PCDHA10: variants seen among roughly 807,000 people sequenced by gnomAD.
PCDHA10 encodes the protein protocadherin alpha-10.
A neutral mutation model predicts 61.2 loss-of-function variants in PCDHA10; 45 were observed. That is an observed-to-expected ratio of 0.74 (90% confidence interval 0.58 to 0.94). The LOEUF is 0.94. Among genes scored for constraint, PCDHA10 ranks in the 40% least tolerant of loss-of-function variants. PCDHA10 has a pLI of 0.00. For synonymous variants in PCDHA10, 602 were observed against 548.8 expected (o/e 1.10, Z -1.35); for missense variants, 1,278 against 1,236.2 (o/e 1.03, Z -0.51).
At chr5:140,882,909 C>A in intron 1 of PCDHA10, 2 of 1,614,172 alleles carry the variant, frequency 1.2e-6, no homozygotes, top group Non-Finnish European at 1.7e-6. Context: ...TTACTGACAG[C>A]CAGTGATGGA....
intron 1 of PCDHA10, among the ~76,000 whole-genome samples, chr5:140,913,572 TCAAA>T (rs150264547): frequency 6.6e-6 from 1 of 152,264 alleles, no homozygotes; most frequent in East Asian, 1.9e-4. Context: ...TTTCATCATT[TCAAA>T]TATATTTCTG....
chr5:140,949,976 TACTTA>T (rs2094437494), intron 1 of PCDHA10, among the ~76,000 whole-genome samples: 1 of 151,940 alleles, frequency 6.6e-6, no homozygotes, highest in Admixed American at 6.6e-5. Flanking sequence ...ACAGCATACA[TACTTA>T]ACTTTTCTCA....
chr5:141,010,325 G>T lies in PCDHA10; in HGVS notation c.*388G>T. On this transcript the variant is annotated 3_prime_UTR_variant, in exon 4 of 4. Coordinates refer to ENST00000307360, the MANE Select transcript of PCDHA10 (RefSeq NM_018901.4). Reference sequence around the variant, plus strand: ...GAAAAGTTTTGAGATTGAGCAGCTTGGGAGTTTGTGGCCACTGGGTATGTG... The same window carrying T: ...GAAAAGTTTTGAGATTGAGCAGCTTTGGAGTTTGTGGCCACTGGGTATGTG... 1 of 1,539,506 alleles carries T rather than the reference G, an allele frequency of 6.5e-7. No individual in the cohort carries two copies. The highest frequency in any genetic ancestry group is 8.7e-7 in the Non-Finnish European group (1 of 1,142,888).
At chr5:140,859,397 A>C in intron 1 of PCDHA10, 1 of 262,266 alleles carries the variant, frequency 3.8e-6, no homozygotes, top group Non-Finnish European at 6.9e-6. Flanking sequence ...CATCTTAAAC[A>C]GGGTTGGGTT....
At chr5:140,999,837 A>T (rs2097878885) in intron 3 of PCDHA10, among the ~76,000 whole-genome samples, 1 of 152,206 alleles carries the variant, frequency 6.6e-6, no homozygotes, top group Non-Finnish European at 1.5e-5. Context: ...AAATATGCCA[A>T]GTGTATTTAT....
At chr5:140,925,146 A>G (rs1467973124) in intron 1 of PCDHA10, among the ~76,000 whole-genome samples, 5 of 151,742 alleles carry the variant, frequency 3.3e-5, no homozygotes, top group Admixed American at 3.3e-4. Flanking sequence ...AACATACACA[A>G]AAGTTGAGAG....
At chr5:140,934,952 C>T (rs1007494400) in intron 1 of PCDHA10, among the ~76,000 whole-genome samples, 22 of 152,218 alleles carry the variant, frequency 1.4e-4, no homozygotes, top group African/African-American at 5.1e-4. Flanking sequence ...AGAGAGATCC[C>T]ATGTGCTTGT....
intron 1 of PCDHA10, chr5:140,966,342 T>G: frequency 2.5e-6 from 1 of 395,470 alleles, no homozygotes; most frequent in Non-Finnish European, 4.4e-6. Flanking sequence ...AGGTCCAGGG[T>G]GAAGGAGATG....
intron 1 of PCDHA10, among the ~76,000 whole-genome samples, chr5:140,902,203 C>CTTTTTTT (rs148688132): frequency 6.4e-5 from 8 of 124,436 alleles, no homozygotes; most frequent in African/African-American, 9.3e-5. Flanking sequence ...CTCTCTCTTT[C>CTTTTTTT]TTTTTTTTTT....
At chr5:140,896,555 T>C (rs2065621728) in intron 1 of PCDHA10, among the ~76,000 whole-genome samples, 1 of 151,910 alleles carries the variant, frequency 6.6e-6, no homozygotes, top group African/African-American at 2.4e-5. Context: ...TTTTGTATTT[T>C]AAGTAGAGAT....
chr5:140,969,863 C>A (rs1305470999), intron 1 of PCDHA10, among the ~76,000 whole-genome samples: 1 of 152,156 alleles, frequency 6.6e-6, no homozygotes, highest in Non-Finnish European at 1.5e-5. Context: ...CTGGTACTTG[C>A]ACTGAACCTA....
At chr5:140,981,186 T>G (rs1307228709) in intron 2 of PCDHA10, among the ~76,000 whole-genome samples, 1 of 152,234 alleles carries the variant, frequency 6.6e-6, no homozygotes, top group Non-Finnish European at 1.5e-5. Flanking sequence ...AGTTCAAGTT[T>G]GCCTGCTCTG....
intron 3 of PCDHA10, among the ~76,000 whole-genome samples, chr5:141,005,089 A>C (rs1554259886): frequency 6.6e-6 from 1 of 152,244 alleles, no homozygotes; most frequent in Non-Finnish European, 1.5e-5. Context: ...TTAGTACTTT[A>C]CATGCATTAC....
At chr5:140,927,118 G>C in intron 1 of PCDHA10, 1 of 1,613,946 alleles carries the variant, frequency 6.2e-7, no homozygotes, top group Non-Finnish European at 8.5e-7. Context: ...CGGCAATTTG[G>C]TGGTCAGAGA....
In PCDHA10 at chr5:140,882,282, G is replaced by T. The variant is rs145553181; in HGVS notation, c.2388+23846G>T. On this transcript the variant is annotated intron_variant, in intron 1 of 3. Coordinates refer to ENST00000307360, the MANE Select transcript of PCDHA10 (RefSeq NM_018901.4). Reference sequence around the variant, plus strand: ...TTGGAGTGTACCATGCTGTCTTCCTGGCAAGGAGGCCCAAGACCGCGGCAA... The same window carrying T: ...TTGGAGTGTACCATGCTGTCTTCCTTGCAAGGAGGCCCAAGACCGCGGCAA... 4.2e-5 allele frequency: 68 copies of T among 1,612,712 alleles called. No individual in the cohort carries two copies. The African/African-American group carries it at 8.4e-4, about 20-fold the overall frequency.
At chr5:140,897,486 A>G (rs183789033) in intron 1 of PCDHA10, among the ~76,000 whole-genome samples, 2 of 151,962 alleles carry the variant, frequency 1.3e-5, no homozygotes, top group Admixed American at 6.5e-5. Flanking sequence ...ATGATTTCCA[A>G]TTTCAACCAT....
intron 1 of PCDHA10, chr5:140,868,258 G>T (rs2153230939): frequency 6.6e-6 from 1 of 151,964 alleles, no homozygotes; most frequent in East Asian, 1.9e-4. Context: ...TTCCTTTGTG[G>T]ATTCTTTTTT....
Position 140,877,146 on chromosome 5 carries a change from G to A in PCDHA10, c.2388+18710G>A, listed in dbSNP as rs781819140. The A allele has an allele frequency of 1.9e-6, 3 of 1,613,818 alleles. No individual in the cohort carries two copies. In the East Asian group the frequency reaches 6.7e-5, roughly 36 times the overall value. On this transcript the variant is annotated intron_variant, in intron 1 of 3. Coordinates refer to ENST00000307360, the MANE Select transcript of PCDHA10 (RefSeq NM_018901.4). ...CGCTGCAGGTGTTCGTGCTGGACGA[G>A]AACGACAACGCGCCGGCACTGCTGG...
intron 1 of PCDHA10, chr5:140,884,210 C>G: frequency 6.2e-7 from 1 of 1,613,532 alleles, no homozygotes; most frequent in South Asian, 1.1e-5. Context: ...CCACCGCCTT[C>G]TGGTGCTGGT....
Sources: gnomAD v4.1 joint callset for allele counts (sites outside exome capture counted in the v4.1 genomes callset) on GRCh38, gnomAD v4.1.1 for gene constraint, MANE v1.5 for transcripts, NCBI Gene and HGNC (gene_info 2026-07-23, HGNC 2026-07-21) for gene names.